Variants in SLC10A7 observed in about 807,000 individuals in gnomAD.
SLC10A7 encodes the protein solute carrier family 10 member 7, also known as sodium/bile acid cotransporter 7.
Under a neutral mutation model 43.2 loss-of-function variants are expected in SLC10A7, and 29 were observed. The ratio of observed to expected loss-of-function variants is 0.67; its 90% CI spans 0.50 to 0.92. SLC10A7 has a LOEUF of 0.92. Ranked by LOEUF, SLC10A7 falls within the 40% of genes least tolerant of loss-of-function variation. SLC10A7 has a pLI of 0.00. For missense variants in SLC10A7, 295 were observed against 403.2 expected (o/e 0.73, Z 2.30); for synonymous variants, 152 against 144.8 (o/e 1.05, Z -0.35).
chr4:146,343,375 G>A (rs934100382), intron 5 of SLC10A7, among the ~76,000 whole-genome samples: 4 of 152,038 alleles, frequency 2.6e-5, no homozygotes, highest in Non-Finnish European at 5.9e-5. Context: ...CACATCTGTG[G>A]TCTGCATGTG....
chr4:146,433,846 T>G (rs1057315299), intron 5 of SLC10A7, among the ~76,000 whole-genome samples: 3 of 152,074 alleles, frequency 2.0e-5, no homozygotes, highest in Non-Finnish European at 2.9e-5. Context: ...AGCCAAACCC[T>G]GTCTCAAAAA....
At chr4:146,519,571 G>C (rs930565069) in intron 1 of SLC10A7, among the ~76,000 whole-genome samples, 3 of 151,990 alleles carry the variant, frequency 2.0e-5, no homozygotes, top group Admixed American at 2.0e-4. Flanking sequence ...TTTATAAGAG[G>C]TACATTATCT....
chr4:146,268,883 C>T (rs1357270762), intron 10 of SLC10A7, among the ~76,000 whole-genome samples: 3 of 151,994 alleles, frequency 2.0e-5, no homozygotes, highest in East Asian at 1.9e-4. Flanking sequence ...GCAAGGGGTG[C>T]TTTTTAATAA....
intron 3 of SLC10A7, among the ~76,000 whole-genome samples, chr4:146,508,791 C>T (rs1737164989): frequency 6.6e-6 from 1 of 152,224 alleles, no homozygotes; most frequent in African/African-American, 2.4e-5. Context: ...CATTTGCAAA[C>T]ATAAATCAGA....
intron 9 of SLC10A7, among the ~76,000 whole-genome samples, chr4:146,290,323 CAAAAAAG>C (rs1301502971): frequency 2.4e-5 from 1 of 42,546 alleles, no homozygotes; most frequent in African/African-American, 1.2e-4. Flanking sequence ...GACTCCATCT[CAAAAAAG>C]AAAAAAAAAA....
At chr4:146,350,313 G>C (rs141894069) in intron 5 of SLC10A7, among the ~76,000 whole-genome samples, 13 of 151,518 alleles carry the variant, frequency 8.6e-5, no homozygotes, top group Non-Finnish European at 1.8e-4. Flanking sequence ...CGAATATTGC[G>C]CTTTTCAGAA....
At chr4:146,315,856 G>A (rs568810317) in intron 6 of SLC10A7, among the ~76,000 whole-genome samples, 84 of 152,072 alleles carry the variant, frequency 5.5e-4, no homozygotes, top group Non-Finnish European at 1.1e-3. Flanking sequence ...GATGTTATGA[G>A]TCAGGTTGAG....
rs866843997 is a variant in SLC10A7, at chr4:146,378,133, G to A, written c.436-52137C>T. ...GTTTTGGATGCAGTTCTTTCAGAGGGAGGCATGAGGTCTAGTGATGACAAC... is the reference window on the plus strand; with the variant it reads ...GTTTTGGATGCAGTTCTTTCAGAGGAAGGCATGAGGTCTAGTGATGACAAC... On this transcript the variant is annotated intron_variant, in intron 5 of 11. Coordinates refer to ENST00000335472, the MANE Select transcript of SLC10A7 (RefSeq NM_001029998.6). Among the ~76,000 whole-genome samples the A allele has an allele frequency of 3.9e-5, 6 of 152,298 alleles. No homozygotes were observed. In the South Asian group the frequency reaches 1.2e-3, roughly 32 times the overall value.
intron 5 of SLC10A7, among the ~76,000 whole-genome samples, chr4:146,390,272 A>T (rs912502720): frequency 2.0e-5 from 3 of 152,208 alleles, no homozygotes; most frequent in Non-Finnish European, 2.9e-5. Flanking sequence ...TAAAGCTAAT[A>T]GTTATTAAAG....
intron 9 of SLC10A7, among the ~76,000 whole-genome samples, chr4:146,288,288 C>G (rs1730172045): frequency 6.6e-6 from 1 of 152,222 alleles, no homozygotes; most frequent in Non-Finnish European, 1.5e-5. Flanking sequence ...ACTTAACCCT[C>G]TCTTCAGGAG....
intron 4 of SLC10A7, among the ~76,000 whole-genome samples, chr4:146,471,052 A>G (rs1733526302): frequency 6.6e-6 from 1 of 152,206 alleles, no homozygotes; most frequent in Non-Finnish European, 1.5e-5. Context: ...GTATCCCTTA[A>G]CCAAAATGCT....
intron 7 of SLC10A7, among the ~76,000 whole-genome samples, chr4:146,295,345 A>C (rs1730708694): frequency 6.6e-6 from 1 of 152,164 alleles, no homozygotes; most frequent in Non-Finnish European, 1.5e-5. Context: ...AGATATTTTA[A>C]AAAATTGTAA....
intron 5 of SLC10A7, among the ~76,000 whole-genome samples, chr4:146,432,599 G>A (rs772067752): frequency 6.6e-6 from 1 of 152,162 alleles, no homozygotes; most frequent in Non-Finnish European, 1.5e-5. Context: ...GAGGATAAGG[G>A]AGGAAATTGA....
intron 5 of SLC10A7, among the ~76,000 whole-genome samples, chr4:146,432,384 G>T (rs905107273): frequency 1.3e-5 from 2 of 152,014 alleles, no homozygotes; most frequent in Non-Finnish European, 2.9e-5. Flanking sequence ...TCATCAACTG[G>T]TAAATTTATT....
intron 2 of SLC10A7, among the ~76,000 whole-genome samples, chr4:146,510,259 T>G (rs1737330731): frequency 1.3e-5 from 2 of 148,158 alleles, no homozygotes; most frequent in Non-Finnish European, 3.0e-5. Flanking sequence ...TAAAATTTCT[T>G]AAATTTTTTT....
intron 5 of SLC10A7, among the ~76,000 whole-genome samples, chr4:146,382,922 G>C (rs891021564): frequency 6.6e-6 from 1 of 151,756 alleles, no homozygotes; most frequent in Admixed American, 6.6e-5. Context: ...TATTGGGGGT[G>C]GGGGGTGCAG....
At chr4:146,314,337 G>A (rs1578860281) in intron 6 of SLC10A7, among the ~76,000 whole-genome samples, 1 of 152,262 alleles carries the variant, frequency 6.6e-6, no homozygotes, top group African/African-American at 2.4e-5. Flanking sequence ...ACTAATTGGA[G>A]AGACAGTCAG....
chr4:146,320,567 C>T (rs1291622985), intron 6 of SLC10A7, among the ~76,000 whole-genome samples: 1 of 151,920 alleles, frequency 6.6e-6, no homozygotes, highest in Admixed American at 6.6e-5. Context: ...TGGGCAATAA[C>T]AAAGTGAAGG....
At chr4:146,434,131 T>G (rs1730014637) in intron 5 of SLC10A7, among the ~76,000 whole-genome samples, 1 of 151,924 alleles carries the variant, frequency 6.6e-6, no homozygotes, top group Non-Finnish European at 1.5e-5. Flanking sequence ...GAGAAAATAC[T>G]CACATACATA....
Sources: gnomAD v4.1 joint callset for allele counts (sites outside exome capture counted in the v4.1 genomes callset) on GRCh38, gnomAD v4.1.1 for gene constraint, MANE v1.5 for transcripts, NCBI Gene and HGNC (gene_info 2026-07-23, HGNC 2026-07-21) for gene names.